Variants in GPC6 observed in about 807,000 individuals in gnomAD.
GPC6 encodes glypican-6.
A neutral mutation model predicts 55.2 loss-of-function variants in GPC6; 14 were observed. The ratio of observed to expected loss-of-function variants is 0.25; its 90% CI spans 0.17 to 0.40. The LOEUF is 0.40. GPC6 is among the 10% of genes least tolerant of loss of function. The pLI, the probability that GPC6 is intolerant of heterozygous loss-of-function variation, is 1.00. For synonymous variants in GPC6, 278 were observed against 259.6 expected (o/e 1.07, Z -0.68); for missense variants, 641 against 708.5 (o/e 0.90, Z 1.08).
At chr13:94,175,150 C>T (rs1888702140) in intron 4 of GPC6, among the ~76,000 whole-genome samples, 1 of 152,136 alleles carries the variant, frequency 6.6e-6, no homozygotes, top group Non-Finnish European at 1.5e-5. Context: ...CCATGAGATT[C>T]ATCTCATGTT....
At chr13:94,050,822 G>A (rs1392272116) in intron 4 of GPC6, among the ~76,000 whole-genome samples, 2 of 152,122 alleles carry the variant, frequency 1.3e-5, no homozygotes, top group African/African-American at 4.8e-5. Flanking sequence ...CCTGGTTTCT[G>A]GGTCCCTATG....
chr13:94,225,446 A>G (rs531788168), intron 4 of GPC6, among the ~76,000 whole-genome samples: 11 of 152,200 alleles, frequency 7.2e-5, no homozygotes, highest in South Asian at 2.1e-4. Context: ...TTTCAAACTG[A>G]TGTCTTATCC....
At chr13:93,242,592 G>T (rs773452955) in intron 1 of GPC6, among the ~76,000 whole-genome samples, 1 of 152,112 alleles carries the variant, frequency 6.6e-6, no homozygotes, top group Admixed American at 6.5e-5. Context: ...TCCCCTCTAC[G>T]TCACTTCATG....
chr13:93,329,607 A>G (rs1879770094), intron 1 of GPC6, among the ~76,000 whole-genome samples: 1 of 152,188 alleles, frequency 6.6e-6, no homozygotes, highest in Non-Finnish European at 1.5e-5. Context: ...TTAATGGTGA[A>G]CAGTGGTTTA....
chr13:93,443,494 G>T (rs535432441), intron 1 of GPC6, among the ~76,000 whole-genome samples: 3 of 152,242 alleles, frequency 2.0e-5, no homozygotes, highest in African/African-American at 7.2e-5. Flanking sequence ...CTCGTAATTG[G>T]GTAGCAAGAA....
At chr13:93,989,847 A>G (rs1423709609) in intron 3 of GPC6, among the ~76,000 whole-genome samples, 3 of 151,682 alleles carry the variant, frequency 2.0e-5, no homozygotes, top group African/African-American at 7.3e-5. Flanking sequence ...GAATGAAAAT[A>G]CAAAGAGTCA....
chr13:94,382,547 C>T lies in GPC6; in HGVS notation c.1286C>T (p.Ala429Val), dbSNP rs776237486. 1.2e-6 allele frequency: 2 copies of T among 1,614,102 alleles called. No homozygotes were observed. The highest frequency in any genetic ancestry group is 1.7e-6 in the Non-Finnish European group (2 of 1,180,028). ...GAATGCTGGAACGGGCACAGCAAAG[C>T]CAGGTGAGGGTGACTCGATGTGTGC... is the stretch of plus-strand genomic sequence containing the variant. ...EEECWNGHSK[A>V]RYLPEIMNDG... The change falls in exon 7 of 9, where the codon GCC becomes GTC. Residue 429 changes from alanine to valine, a missense_variant. Physicochemically the swap from Ala to Val is moderately conservative, Grantham distance 64 (BLOSUM62 0). Coordinates refer to ENST00000377047, the MANE Select transcript of GPC6 (RefSeq NM_005708.5).
chr13:93,400,719 C>G lies in GPC6; in HGVS notation c.161-144544C>G, dbSNP rs1307266579. On this transcript the variant is annotated intron_variant, in intron 1 of 8. Transcript: ENST00000377047. ...ATATCTCATGTACCTCGTAGTATAC[C>G]TACTATATACCCAGAAAAATTAAAA... Among the ~76,000 whole-genome samples the G allele has an allele frequency of 2.6e-5, 4 of 151,932 alleles. No individual in the cohort carries two copies. The East Asian group carries it at 7.7e-4, about 29-fold the overall frequency.
chr13:93,333,456 A>T lies in GPC6; in HGVS notation c.160+105840A>T, dbSNP rs564944059. Among the ~76,000 whole-genome samples, 26 of 150,688 alleles carry T rather than the reference A, an allele frequency of 1.7e-4. No homozygotes were observed. In the South Asian group the frequency reaches 2.7e-3, roughly 16 times the overall value. On this transcript the variant is annotated intron_variant, in intron 1 of 8. Transcript: ENST00000377047. ...TTACTAGTTATTTGATTTTTTTTGT[A>T]ACTATTGTAAATGGGATTGCTTTTC...
At chr13:93,787,998 A>T (rs542387216) in intron 2 of GPC6, among the ~76,000 whole-genome samples, 1 of 152,318 alleles carries the variant, frequency 6.6e-6, no homozygotes, top group Non-Finnish European at 1.5e-5. Context: ...ATTTTTTAAG[A>T]TGTAGGTTAT....
At chr13:93,654,811 G>T (rs1880580689) in intron 2 of GPC6, among the ~76,000 whole-genome samples, 1 of 150,476 alleles carries the variant, frequency 6.6e-6, no homozygotes. Context: ...CTTCCAATAT[G>T]AATCCAAAGA....
intron 1 of GPC6, among the ~76,000 whole-genome samples, chr13:93,487,888 C>A (rs1307612375): frequency 6.6e-6 from 1 of 152,102 alleles, no homozygotes; most frequent in Non-Finnish European, 1.5e-5. Flanking sequence ...ATCTTCTCTA[C>A]CTCATCATAC....
At chr13:93,510,991 A>ATATATATGTGTGTATATATATGTG (rs138526722) in intron 1 of GPC6, among the ~76,000 whole-genome samples, 17 of 40,238 alleles carry the variant, frequency 4.2e-4, no homozygotes, top group Admixed American at 1.3e-3. Flanking sequence ...ATATGTGTAT[A>ATATATATGTGTGTATATATATGTG]TATATATATA....
intron 1 of GPC6, among the ~76,000 whole-genome samples, chr13:93,434,707 T>G (rs554866723): frequency 6.6e-6 from 1 of 152,294 alleles, no homozygotes; most frequent in East Asian, 1.9e-4. Flanking sequence ...AGTCTGATTT[T>G]TAGTTTTTGT....
chr13:93,787,080 A>T (rs546949685), intron 2 of GPC6, among the ~76,000 whole-genome samples: 1 of 152,220 alleles, frequency 6.6e-6, no homozygotes, highest in Non-Finnish European at 1.5e-5. Context: ...CAAGGCCTTT[A>T]TGTAGCCACA....
At chr13:93,990,881 A>C (rs1445124829) in intron 3 of GPC6, among the ~76,000 whole-genome samples, 1 of 150,728 alleles carries the variant, frequency 6.6e-6, no homozygotes, top group African/African-American at 2.4e-5. Context: ...GAGGGAGAAA[A>C]GAAAGAAAGA....
chr13:93,316,914 T>C (rs549510868), intron 1 of GPC6, among the ~76,000 whole-genome samples: 1 of 152,234 alleles, frequency 6.6e-6, no homozygotes, highest in Admixed American at 6.5e-5. Context: ...TTCTGTAGCA[T>C]ATACACTTAG....
chr13:94,257,882 G>A (rs1054748455), intron 4 of GPC6, among the ~76,000 whole-genome samples: 1 of 152,174 alleles, frequency 6.6e-6, no homozygotes, highest in African/African-American at 2.4e-5. Context: ...AGTGGGTAGA[G>A]TGACTTGAAC....
intron 1 of GPC6, among the ~76,000 whole-genome samples, chr13:93,517,965 G>A (rs1881264005): frequency 1.8e-5 from 1 of 56,672 alleles, no homozygotes; most frequent in Non-Finnish European, 4.0e-5. Context: ...GGAAGAAATT[G>A]CTTATTAATA....
Sources: allele counts gnomAD v4.1 joint callset (sites outside exome capture counted in the v4.1 genomes callset), GRCh38; gene constraint gnomAD v4.1.1; transcripts MANE v1.5; gene names NCBI Gene and HGNC (gene_info 2026-07-23, HGNC 2026-07-21).